Variants in GPHN observed in about 807,000 individuals in gnomAD.
GPHN encodes the protein gephyrin.
GPHN carries 17 observed loss-of-function variants against 95.5 expected under a neutral mutation model. The observed-to-expected ratio is 0.18, with a 90% CI of 0.12 to 0.27. The LOEUF is 0.27. Among genes scored for constraint, GPHN ranks in the 10% least tolerant of loss-of-function variants. GPHN has a pLI of 1.00. For synonymous variants in GPHN, 320 were observed against 322.5 expected (o/e 0.99, Z 0.08); for missense variants, 660 against 978.1 (o/e 0.67, Z 4.34).
the GPHN span, among the ~76,000 whole-genome samples, chr14:67,209,142 C>T: frequency 6.6e-6 from 1 of 152,146 alleles, no homozygotes; most frequent in African/African-American, 2.4e-5. Context: ...ACGTGATTCA[C>T]TCAAAAATAT....
intron 8 of GPHN, among the ~76,000 whole-genome samples, chr14:66,963,230 C>G (rs1173058355): frequency 6.6e-6 from 1 of 151,888 alleles, no homozygotes; most frequent in African/African-American, 2.4e-5. Flanking sequence ...CCCGAAAGTA[C>G]CTAGCCACAA....
chr14:67,579,430 A>G, the GPHN span: 3 of 824,858 alleles, frequency 3.6e-6, no homozygotes, highest in Non-Finnish European at 5.5e-6. Context: ...AGTAGATATT[A>G]TGAACTCACT....
At chr14:67,392,804 C>T in the GPHN span, 4 of 1,613,832 alleles carry the variant, frequency 2.5e-6, no homozygotes, top group Non-Finnish European at 3.4e-6. Context: ...CTCCAGACGG[C>T]TGGCCGTGAA....
At chr14:67,116,973 C>T (rs2078733040) in intron 16 of GPHN, among the ~76,000 whole-genome samples, 1 of 152,182 alleles carries the variant, frequency 6.6e-6, no homozygotes, top group Admixed American at 6.5e-5. Flanking sequence ...TTTTCTCCCT[C>T]TTTTTGTGTT....
the GPHN span, among the ~76,000 whole-genome samples, chr14:67,577,642 C>A: frequency 6.6e-6 from 1 of 152,304 alleles, no homozygotes; most frequent in South Asian, 2.1e-4. Flanking sequence ...TGAAAACTCT[C>A]CCTGGAGGAG....
At chr14:66,636,428 A>G (rs150547126) in intron 1 of GPHN, among the ~76,000 whole-genome samples, 1 of 152,136 alleles carries the variant, frequency 6.6e-6, no homozygotes, top group East Asian at 1.9e-4. Context: ...TGTGATTACA[A>G]AGATAGCTAA....
the GPHN span, chr14:67,733,925 A>T: frequency 2.8e-6 from 3 of 1,085,924 alleles, no homozygotes; most frequent in Non-Finnish European, 4.2e-6. Flanking sequence ...GCCAACCCTA[A>T]AGGATTGTCC....
At chr14:66,992,350 A>G (rs1360500496) in intron 9 of GPHN, among the ~76,000 whole-genome samples, 1 of 152,192 alleles carries the variant, frequency 6.6e-6, no homozygotes. Context: ...ACTAACACAA[A>G]TTAAAGGATG....
intron 1 of GPHN, among the ~76,000 whole-genome samples, chr14:66,589,054 C>T (rs1374950973): frequency 6.6e-6 from 1 of 152,114 alleles, no homozygotes; most frequent in Non-Finnish European, 1.5e-5. Context: ...ATCCTACAAG[C>T]CAGAAGAGAG....
chr14:66,589,779 G>A (rs185865836), intron 1 of GPHN, among the ~76,000 whole-genome samples: 21 of 152,250 alleles, frequency 1.4e-4, no homozygotes, highest in African/African-American at 5.1e-4. Flanking sequence ...CAATGAGACA[G>A]AAAATTAATA....
the GPHN span, among the ~76,000 whole-genome samples, chr14:67,452,929 C>A: frequency 2.4e-3 from 372 of 152,286 alleles, 1 homozygote; most frequent in African/African-American, 8.5e-3. Context: ...GCTTTTTCTC[C>A]CTCCAACCCT....
chr14:67,427,576 C>T, the GPHN span, among the ~76,000 whole-genome samples: 2 of 152,218 alleles, frequency 1.3e-5, no homozygotes, highest in East Asian at 1.9e-4. Flanking sequence ...CGGCTTCCCA[C>T]GAGAGCTCCG....
intron 2 of GPHN, among the ~76,000 whole-genome samples, chr14:66,688,145 T>C (rs1405280885): frequency 4.6e-5 from 7 of 152,166 alleles, no homozygotes; most frequent in African/African-American, 1.7e-4. Flanking sequence ...GAAAGTATTA[T>C]TAAGAATAAC....
intron 3 of GPHN, among the ~76,000 whole-genome samples, chr14:66,793,527 T>C (rs1420614864): frequency 6.6e-6 from 1 of 152,206 alleles, no homozygotes; most frequent in Admixed American, 6.5e-5. Flanking sequence ...GTAATAATTA[T>C]AGCAATCTTT....
the GPHN span, among the ~76,000 whole-genome samples, chr14:67,524,803 T>C: frequency 6.6e-6 from 1 of 152,144 alleles, no homozygotes; most frequent in African/African-American, 2.4e-5. Flanking sequence ...GGGATCCAGA[T>C]AATATCAAAA....
chr14:67,166,709 G>T (rs1030437280), intron 20 of GPHN, among the ~76,000 whole-genome samples: 1 of 151,976 alleles, frequency 6.6e-6, no homozygotes, highest in African/African-American at 2.4e-5. Flanking sequence ...TGGCTCTGTC[G>T]CCCAGGCTGG....
At chr14:66,584,776 T>C (rs2061350621) in intron 1 of GPHN, among the ~76,000 whole-genome samples, 2 of 152,170 alleles carry the variant, frequency 1.3e-5, no homozygotes, top group Admixed American at 1.3e-4. Flanking sequence ...GATGTGCTGC[T>C]GGATTCGGTT....
At chr14:67,085,388 G>A (rs1189519739) in intron 11 of GPHN, among the ~76,000 whole-genome samples, 1 of 152,148 alleles carries the variant, frequency 6.6e-6, no homozygotes, top group East Asian at 1.9e-4. Flanking sequence ...CTACTTCCAC[G>A]TATCTAAATC....
intron 17 of GPHN, among the ~76,000 whole-genome samples, chr14:67,136,631 A>G (rs1198587663): frequency 1.3e-5 from 2 of 152,186 alleles, no homozygotes; most frequent in African/African-American, 2.4e-5. Context: ...CCCTTCCCCA[A>G]AAAAATGATA....
Sources: allele counts gnomAD v4.1 joint callset (sites outside exome capture counted in the v4.1 genomes callset), GRCh38; gene constraint gnomAD v4.1.1; transcripts MANE v1.5; gene names NCBI Gene and HGNC (gene_info 2026-07-23, HGNC 2026-07-21).